DENND2A: variants seen among roughly 807,000 people sequenced by gnomAD.
DENND2A encodes DENN domain-containing protein 2A.
A neutral mutation model predicts 105.3 loss-of-function variants in DENND2A; 53 were observed. That is an observed-to-expected ratio of 0.50 (90% CI 0.40 to 0.63). DENND2A has a LOEUF of 0.63. DENND2A is among the 30% of genes least tolerant of loss of function. The pLI, the probability that DENND2A is intolerant of heterozygous loss-of-function variation, is 0.00. For synonymous variants in DENND2A, 522 were observed against 508.4 expected, an observed-to-expected ratio of 1.03 and a Z score of -0.36; for missense variants, 1,138 against 1,279.6, an observed-to-expected ratio of 0.89 and a Z score of 1.69.
intron 6 of DENND2A, among the ~76,000 whole-genome samples, chr7:140,572,411 A>G (rs1180012082): frequency 6.6e-6 from 1 of 151,848 alleles, no homozygotes; most frequent in Non-Finnish European, 1.5e-5. Flanking sequence ...TTACATTTTT[A>G]TGGGTTTCAT....
chr7:140,610,461 T>C (rs1238262281), intron 1 of DENND2A, among the ~76,000 whole-genome samples: 2 of 152,204 alleles, frequency 1.3e-5, no homozygotes, highest in African/African-American at 4.8e-5. Flanking sequence ...GATCTCATAG[T>C]GAGATGCTTC....
At chr7:140,584,964 C>G (rs951490003) in intron 5 of DENND2A, among the ~76,000 whole-genome samples, 7 of 152,170 alleles carry the variant, frequency 4.6e-5, no homozygotes, top group African/African-American at 1.7e-4. Flanking sequence ...TTTGGGAGGC[C>G]AAGGCAGCTG....
At chr7:140,599,865 G>C (rs1488784499) in intron 3 of DENND2A, among the ~76,000 whole-genome samples, 1 of 152,034 alleles carries the variant, frequency 6.6e-6, no homozygotes, top group Non-Finnish European at 1.5e-5. Flanking sequence ...TGCTGAGTGG[G>C]GGGTGACAGG....
At chr7:140,629,108 G>A (rs761036551) in intron 1 of DENND2A, among the ~76,000 whole-genome samples, 17 of 152,138 alleles carry the variant, frequency 1.1e-4, no homozygotes, top group Non-Finnish European at 2.4e-4. Context: ...AACTCAAGAG[G>A]AATCCATGAA....
chr7:140,627,980 T>A (rs547703089), intron 1 of DENND2A, among the ~76,000 whole-genome samples: 24 of 151,970 alleles, frequency 1.6e-4, no homozygotes, highest in African/African-American at 5.8e-4. Flanking sequence ...TTAGTAGAGA[T>A]GGGGTTTCAC....
rs576964464 is a variant in DENND2A at position 140,599,826 on chromosome 7, C to G, written c.995+1577G>C. Among the ~76,000 whole-genome samples, 9 of 152,094 alleles carry G rather than the reference C, an allele frequency of 5.9e-5. No individual in the cohort carries two copies. The South Asian group carries it at 1.9e-3, about 32-fold the overall frequency. On this transcript the variant is annotated intron_variant, in intron 3 of 19. Coordinates refer to ENST00000496613, the MANE Select transcript of DENND2A (RefSeq NM_015689.5). ...AAAAAAGAAATTATGCTATTTACAG[C>G]CAAAAGAATCATCCTACATGACAGA...
At chr7:140,567,963 T>TA (rs1417617300) in intron 8 of DENND2A, among the ~76,000 whole-genome samples, 1 of 152,088 alleles carries the variant, frequency 6.6e-6, no homozygotes, top group East Asian at 1.9e-4. Context: ...TTTTTTGAGA[T>TA]AGAGTCTCAC....
intron 7 of DENND2A, among the ~76,000 whole-genome samples, chr7:140,569,223 C>T (rs1012271339): frequency 1.3e-5 from 2 of 152,124 alleles, no homozygotes; most frequent in Non-Finnish European, 2.9e-5. Flanking sequence ...CACCGCGCCC[C>T]GCCTCTTGTT....
intron 14 of DENND2A, among the ~76,000 whole-genome samples, chr7:140,537,346 G>A (rs946006392): frequency 2.0e-5 from 3 of 152,218 alleles, no homozygotes; most frequent in Non-Finnish European, 4.4e-5. Context: ...TCCTGTATGT[G>A]TCAAGATTTG....
chr7:140,617,157 C>G (rs1303805429), intron 1 of DENND2A, among the ~76,000 whole-genome samples: 1 of 152,226 alleles, frequency 6.6e-6, no homozygotes, highest in Non-Finnish European at 1.5e-5. Flanking sequence ...TGTGCACAGC[C>G]TGTAAGGCAG....
intron 5 of DENND2A, among the ~76,000 whole-genome samples, chr7:140,574,989 C>T (rs527434761): frequency 4.9e-4 from 75 of 152,230 alleles, no homozygotes; most frequent in Non-Finnish European, 9.9e-4. Context: ...CACTGCACTC[C>T]AGCCTGGGTG....
chr7:140,617,104 C>T (rs1159089972), intron 1 of DENND2A, among the ~76,000 whole-genome samples: 3 of 152,184 alleles, frequency 2.0e-5, no homozygotes, highest in East Asian at 1.9e-4. Context: ...GTGATCTGCC[C>T]GCCTTGGCCT....
At chr7:140,587,518 C>T in intron 4 of DENND2A, 135 bp downstream of exon 4, 1 of 1,249,546 alleles carries the variant, frequency 8.0e-7, no homozygotes, top group South Asian at 1.4e-5. Context: ...GCTTTTTCAT[C>T]CGAGTGCACA....
intron 9 of DENND2A, among the ~76,000 whole-genome samples, chr7:140,561,665 A>C (rs1585636196): frequency 7.6e-6 from 1 of 131,860 alleles, no homozygotes; most frequent in Non-Finnish European, 1.6e-5. Flanking sequence ...CACCACACCT[A>C]GCTATTTTTT....
At chr7:140,542,857 C>T (rs1296572786) in intron 14 of DENND2A, among the ~76,000 whole-genome samples, 4 of 152,064 alleles carry the variant, frequency 2.6e-5, no homozygotes, top group South Asian at 2.1e-4. Flanking sequence ...TGAGCCACCG[C>T]GCCTGGCCTA....
chr7:140,613,209 A>G (rs1191330205), intron 1 of DENND2A, among the ~76,000 whole-genome samples: 1 of 151,788 alleles, frequency 6.6e-6, no homozygotes, highest in Non-Finnish European at 1.5e-5. Flanking sequence ...TGAGACCAGG[A>G]GTTTGAGGCT....
At chr7:140,528,805 T>C (rs6976066) in intron 14 of DENND2A, among the ~76,000 whole-genome samples, 9,697 of 148,772 alleles carry the variant, frequency 0.065, 341 homozygotes, top group Non-Finnish European at 0.085. Context: ...ATTTTATGCA[T>C]TGAAATTTTT....
intron 5 of DENND2A, among the ~76,000 whole-genome samples, chr7:140,578,869 G>A (rs1219814729): frequency 6.6e-6 from 1 of 152,122 alleles, no homozygotes; most frequent in South Asian, 2.1e-4. Flanking sequence ...GTGAGACTTC[G>A]TCTCATAAAA....
intron 13 of DENND2A, 47 bp downstream of exon 13, chr7:140,546,752 C>A: frequency 1.9e-6 from 3 of 1,607,384 alleles, no homozygotes; most frequent in Non-Finnish European, 2.6e-6. Flanking sequence ...ACTCGGCTGT[C>A]TGGGCCACTG....
Sources: allele counts gnomAD v4.1 joint callset (sites outside exome capture counted in the v4.1 genomes callset), GRCh38; gene constraint gnomAD v4.1.1; transcripts MANE v1.5; gene names NCBI Gene and HGNC (gene_info 2026-07-23, HGNC 2026-07-21).